MAPK8: variants seen among roughly 807,000 people sequenced by gnomAD.
MAPK8 encodes the protein JUN N-terminal kinase.
In MAPK8, 13 loss-of-function variants were observed where a neutral mutation model predicts 52.9. The observed-to-expected ratio is 0.25, with a 90% confidence interval of 0.16 to 0.39. The LOEUF is 0.39. Among genes scored for constraint, MAPK8 ranks in the 10% least tolerant of loss-of-function variants. The probability of loss-of-function intolerance (pLI) is 1.00; values close to 1 mark genes in which losing one functional copy is unlikely to be tolerated. For synonymous variants in MAPK8, 191 were observed against 169.8 expected, an observed-to-expected ratio of 1.12 and a Z score of -0.97; for missense variants, 300 against 519.2, an observed-to-expected ratio of 0.58 and a Z score of 4.10.
intron 1 of MAPK8, among the ~76,000 whole-genome samples, chr10:48,381,101 AAAGAG>A (rs1170068266): frequency 6.6e-6 from 1 of 152,224 alleles, no homozygotes. Flanking sequence ...ATCTTGTTCA[AAAGAG>A]AAAACGAAAT....
chr10:48,333,921 A>T (rs1291071571), intron 1 of MAPK8, among the ~76,000 whole-genome samples: 1 of 150,434 alleles, frequency 6.6e-6, no homozygotes, highest in Non-Finnish European at 1.5e-5. Flanking sequence ...CAGGCTCCAA[A>T]GCAGTGGAGC....
chr10:48,389,412 T>TA (rs1564568644), intron 1 of MAPK8, among the ~76,000 whole-genome samples: 2 of 152,184 alleles, frequency 1.3e-5, no homozygotes. Flanking sequence ...AAGAAGCACT[T>TA]ACTCAGCGGA....
intron 5 of MAPK8, among the ~76,000 whole-genome samples, chr10:48,419,188 T>G (rs2133176453): frequency 1.3e-5 from 2 of 152,342 alleles, no homozygotes; most frequent in South Asian, 4.1e-4. Context: ...ATACATGCTT[T>G]TCTGTATGTT....
At chr10:48,384,318 G>T (rs2041184119) in intron 1 of MAPK8, among the ~76,000 whole-genome samples, 1 of 152,188 alleles carries the variant, frequency 6.6e-6, no homozygotes, top group African/African-American at 2.4e-5. Context: ...TAAGCCAATG[G>T]TAAGTTTCTA....
chr10:48,380,408 G>A (rs1192279232), intron 1 of MAPK8, among the ~76,000 whole-genome samples: 1 of 151,998 alleles, frequency 6.6e-6, no homozygotes, highest in Non-Finnish European at 1.5e-5. Context: ...ATTTGATTTG[G>A]GGGAACTGTA....
intron 1 of MAPK8, among the ~76,000 whole-genome samples, chr10:48,367,707 A>G (rs1848179645): frequency 6.6e-6 from 1 of 152,216 alleles, no homozygotes; most frequent in Non-Finnish European, 1.5e-5. Flanking sequence ...TTACAGTTAG[A>G]TATATAGGTA....
At chr10:48,308,014 T>C (rs1208722678) in intron 1 of MAPK8, 1 of 152,220 alleles carries the variant, frequency 6.6e-6, no homozygotes, top group Non-Finnish European at 1.5e-5. Context: ...ATCTGGAAGT[T>C]CAAGTGTAAT....
chr10:48,343,561 A>G (rs1052371654), intron 1 of MAPK8, among the ~76,000 whole-genome samples: 1 of 152,240 alleles, frequency 6.6e-6, no homozygotes, highest in Non-Finnish European at 1.5e-5. Context: ...AAAATGCTTC[A>G]AGGATTCAAT....
intron 1 of MAPK8, among the ~76,000 whole-genome samples, chr10:48,315,698 A>G (rs1842432695): frequency 6.8e-6 from 1 of 147,550 alleles, no homozygotes; most frequent in Non-Finnish European, 1.5e-5. Flanking sequence ...ATTAGTTAAT[A>G]TTTCATATAT....
intron 1 of MAPK8, among the ~76,000 whole-genome samples, chr10:48,340,802 GCTCT>G (rs1351763417): frequency 6.6e-6 from 1 of 152,196 alleles, no homozygotes; most frequent in Non-Finnish European, 1.5e-5. Context: ...AATTTCTGGT[GCTCT>G]CTATTCTCTG....
intron 1 of MAPK8, among the ~76,000 whole-genome samples, chr10:48,354,845 A>G (rs943171850): frequency 6.6e-6 from 1 of 152,174 alleles, no homozygotes; most frequent in Non-Finnish European, 1.5e-5. Flanking sequence ...CCATAATGGC[A>G]GTATACATAG....
intron 1 of MAPK8, among the ~76,000 whole-genome samples, chr10:48,317,707 C>T (rs1283860820): frequency 6.6e-6 from 1 of 151,990 alleles, no homozygotes; most frequent in Non-Finnish European, 1.5e-5. Context: ...GGAGGAAATG[C>T]AGAAAAGTTG....
chr10:48,365,781 G>A (rs906693556), intron 1 of MAPK8, among the ~76,000 whole-genome samples: 4 of 152,116 alleles, frequency 2.6e-5, no homozygotes, highest in Admixed American at 1.3e-4. Context: ...GTATAAGGAA[G>A]ACAAACTTTA....
At position 48,401,793 on chromosome 10, in the gene MAPK8, A is replaced by G. The variant is rs745375804; in HGVS notation, c.122+11A>G. On this transcript the variant is annotated intron_variant, in intron 2 of 11. Coordinates refer to ENST00000374189, the MANE Select transcript of MAPK8 (RefSeq NM_001323329.2). ...TCAAGGAATAGTATGGTAAGTGTTT[A>G]CTTCCAAAAATTAGGCAAAGAATCA... 7.1e-7 allele frequency: 1 copy of G among 1,407,434 alleles called. No homozygotes were observed. Among genetic ancestry groups the G allele is most frequent in the Non-Finnish European group, 9.3e-7 (1 of 1,075,488 alleles). The allele number at this position is 1,407,434 out of a possible 1,614,324, so 87.2% of individuals were successfully genotyped here. A position where few individuals can be genotyped will look rare whatever the true frequency, so the allele number is the denominator to read the frequency against.
chr10:48,420,552 T>A (rs2043296236), intron 6 of MAPK8, among the ~76,000 whole-genome samples: 2 of 152,192 alleles, frequency 1.3e-5, no homozygotes, highest in Non-Finnish European at 2.9e-5. Context: ...TACCATTGGA[T>A]GAAGAATTTG....
At chr10:48,349,278 TA>T (rs1846080425) in intron 1 of MAPK8, among the ~76,000 whole-genome samples, 1 of 152,098 alleles carries the variant, frequency 6.6e-6, no homozygotes, top group Non-Finnish European at 1.5e-5. Flanking sequence ...GCGGACCTAA[TA>T]GACATCGATA....
intron 5 of MAPK8, among the ~76,000 whole-genome samples, chr10:48,412,195 C>T (rs550571394): frequency 6.6e-6 from 1 of 152,302 alleles, no homozygotes; most frequent in Admixed American, 6.5e-5. Flanking sequence ...TTTGCCATGG[C>T]TTCCAGTGAT....
intron 5 of MAPK8, 26 bp downstream of exon 5, chr10:48,410,194 CTCTTTG>C: frequency 6.8e-7 from 1 of 1,461,728 alleles, no homozygotes; most frequent in Non-Finnish European, 9.0e-7. Context: ...TATCGTCATA[CTCTTTG>C]TTTTCTCATT....
At chr10:48,389,283 T>C (rs2132828561) in intron 1 of MAPK8, among the ~76,000 whole-genome samples, 1 of 152,262 alleles carries the variant, frequency 6.6e-6, no homozygotes, top group African/African-American at 2.4e-5. Flanking sequence ...TGATGTGAGT[T>C]AGGGTTGAGG....
Sources: allele counts gnomAD v4.1 joint callset (sites outside exome capture counted in the v4.1 genomes callset), GRCh38; gene constraint gnomAD v4.1.1; transcripts MANE v1.5; gene names NCBI Gene and HGNC (gene_info 2026-07-23, HGNC 2026-07-21).